PARP12: variants seen among roughly 807,000 people sequenced by gnomAD.
PARP12 encodes the protein poly(ADP-ribose) polymerase family member 12.
A neutral mutation model predicts 72.4 loss-of-function variants in PARP12; 59 were observed. The observed-to-expected ratio is 0.81, with a 90% CI of 0.66 to 1.01. The LOEUF (loss-of-function observed/expected upper bound fraction) is 1.01, where lower values mean the gene tolerates loss of function less well. PARP12 is among the 50% of genes least tolerant of loss of function. PARP12 has a pLI of 0.00. For missense variants in PARP12, 851 were observed against 914.0 expected, an observed-to-expected ratio of 0.93 and a Z score of 0.89; for synonymous variants, 403 against 371.4, an observed-to-expected ratio of 1.09 and a Z score of -0.98.
intron 1 of PARP12, among the ~76,000 whole-genome samples, chr7:140,059,352 A>C (rs1817343237): frequency 7.7e-6 from 1 of 130,394 alleles, no homozygotes; most frequent in South Asian, 2.2e-4. Flanking sequence ...GCATGCGTGC[A>C]GGCGTGTATA....
At chr7:140,028,738 C>T (rs776316874) in intron 8 of PARP12, 50 bp from the exon 9 acceptor site, 1 of 1,469,922 alleles carries the variant, frequency 6.8e-7, no homozygotes, top group South Asian at 1.2e-5. Flanking sequence ...TTACACAAAG[C>T]AAATATACCA....
At chr7:140,049,837 A>G (rs978726288) in intron 4 of PARP12, among the ~76,000 whole-genome samples, 1 of 152,220 alleles carries the variant, frequency 6.6e-6, no homozygotes, top group Admixed American at 6.5e-5. Flanking sequence ...CGGTAGAGAC[A>G]TAAGGTCCTT....
chr7:140,055,005 A>G (rs1265831058), intron 3 of PARP12, among the ~76,000 whole-genome samples: 1 of 152,060 alleles, frequency 6.6e-6, no homozygotes, highest in Non-Finnish European at 1.5e-5. Context: ...TCCTTTCTCA[A>G]CTCTCGCTGT....
intron 4 of PARP12, among the ~76,000 whole-genome samples, chr7:140,047,814 C>A (rs1816795258): frequency 6.6e-6 from 1 of 152,122 alleles, no homozygotes; most frequent in Non-Finnish European, 1.5e-5. Context: ...CAAGGTTTCA[C>A]CATGTTGGCC....
intron 8 of PARP12, 139 bp from the exon 9 acceptor site, chr7:140,028,827 A>C (rs1437779770): frequency 8.9e-6 from 6 of 675,126 alleles, no homozygotes; most frequent in Non-Finnish European, 1.5e-5. Context: ...AAGGCAAGGA[A>C]GAATGTTAGC....
rs372828421 is a variant in PARP12, at chr7:140,056,532, G to T, written c.760+324C>A. Among the ~76,000 whole-genome samples the T allele has an allele frequency of 4.0e-4, 61 of 152,300 alleles. 1 individual carries two copies. The highest frequency in any genetic ancestry group is 1.2e-3 in the African/African-American group (50 of 41,570). On this transcript the variant is annotated intron_variant, in intron 3 of 11. Coordinates refer to ENST00000263549, the MANE Select transcript of PARP12 (RefSeq NM_022750.4). The stretch of plus-strand genomic sequence containing the variant: ...CCCTGAAGAGCATGCTCTCGTGGGG[G>T]TGAAGATAGGGGTGACTGCACAGGG...
rs777459779 is a variant in PARP12, at chr7:140,062,775, C to T, written c.73G>A (p.Glu25Lys). The change falls in exon 1 of 12, where the codon GAG becomes AAG. Residue 25 changes from glutamate (E) to lysine (K), a missense_variant. Physicochemically the swap from Glu to Lys is moderately conservative, Grantham distance 56 (BLOSUM62 1). This residue lies in a region of PARP12 where 492 missense variants were observed against 489.3 expected (regional missense o/e 1.01). Transcript: ENST00000263549. ...CAAGGALELP[E>K]LRRRLRMGLS... is the part of the protein sequence containing the mutation. ...CCCATCCGCAAGCGGCGCCGCAGCT[C>T]GGGCAACTCCAGGGCGCCCCCGGCC... 3 of 1,401,200 alleles carry T rather than the reference C, an allele frequency of 2.1e-6. No individual in the cohort carries two copies. The highest frequency in any genetic ancestry group is 2.8e-6 in the Non-Finnish European group (3 of 1,073,700). 86.8% of individuals were successfully genotyped at this position (1,401,200 alleles called of 1,614,324 possible). A position where few individuals can be genotyped will look rare whatever the true frequency, so the allele number is the denominator to read the frequency against.
chr7:140,025,000 C>T lies in PARP12; in HGVS notation c.1781-115G>A, dbSNP rs912488638. 164 of 884,982 alleles carry T rather than the reference C, an allele frequency of 1.9e-4. 1 individual carries two copies. Among genetic ancestry groups the T allele is most frequent in the Non-Finnish European group, 2.5e-4 (142 of 574,328 alleles). 54.8% of individuals were successfully genotyped at this position (884,982 alleles called of 1,614,324 possible). A position where few individuals can be genotyped will look rare whatever the true frequency, so the allele number is the denominator to read the frequency against. The stretch of plus-strand genomic sequence containing the variant: ...CGCCAGGGCCTCTACTCTTCCACCC[C>T]GCATCTCCCTCCCTCCCTCTGTGCC... On this transcript the variant is annotated intron_variant, in intron 11 of 11. Coordinates refer to ENST00000263549, the MANE Select transcript of PARP12 (RefSeq NM_022750.4).
In PARP12 at chr7:140,041,539, C is replaced by G. The variant is rs368455941; in HGVS notation, c.1182+105G>C. ...AGCCACACTGGCACCTGGGGATCCTCAGCTCTCTCAAGGATGCCCCTGGCA... is the reference window on the plus strand; with the variant it reads ...AGCCACACTGGCACCTGGGGATCCTGAGCTCTCTCAAGGATGCCCCTGGCA... On this transcript the variant is annotated intron_variant, in intron 6 of 11. Coordinates refer to ENST00000263549, the MANE Select transcript of PARP12 (RefSeq NM_022750.4). The G allele has an allele frequency of 1.7e-4, 193 of 1,168,848 alleles. No individual in the cohort carries two copies. The African/African-American group carries it at 2.6e-3, about 16-fold the overall frequency. The allele number at this position is 1,168,848 out of a possible 1,614,324, so 72.4% of individuals were successfully genotyped here.
At chr7:140,025,947 C>G (rs1354605954) in intron 11 of PARP12, among the ~76,000 whole-genome samples, 1 of 152,236 alleles carries the variant, frequency 6.6e-6, no homozygotes, top group Admixed American at 6.5e-5. Context: ...CTCCCAGGGC[C>G]TCTGCTCCAC....
intron 1 of PARP12, among the ~76,000 whole-genome samples, chr7:140,059,654 C>T (rs1376682463): frequency 6.6e-6 from 1 of 152,192 alleles, no homozygotes; most frequent in East Asian, 1.9e-4. Context: ...TTTACAGAAT[C>T]CCCCAGCTCA....
chr7:140,037,979 G>C, intron 6 of PARP12, 123 bp from the exon 7 acceptor site: 2 of 1,462,760 alleles, frequency 1.4e-6, no homozygotes, highest in Non-Finnish European at 1.8e-6. Flanking sequence ...GGGGAAGATG[G>C]AGGCCAGGGA....
intron 10 of PARP12, 146 bp downstream of exon 10, chr7:140,027,130 C>T (rs1815767745): frequency 3.5e-6 from 4 of 1,151,264 alleles, no homozygotes; most frequent in African/African-American, 1.6e-5. Context: ...GGGGAGCGGA[C>T]GAAGGAGAGC....
At chr7:140,045,113 T>C (rs1816663324) in intron 5 of PARP12, among the ~76,000 whole-genome samples, 1 of 151,910 alleles carries the variant, frequency 6.6e-6, no homozygotes, top group African/African-American at 2.4e-5. Context: ...CACTGCAGCA[T>C]CAAACTCCTG....
chr7:140,025,307 T>G (rs1383141413), intron 11 of PARP12: 1 of 289,088 alleles, frequency 3.5e-6, no homozygotes, highest in Non-Finnish European at 6.9e-6. Context: ...GGCAGCCCAA[T>G]GTATAGAATT....
chr7:140,050,644 G>A (rs184604181), intron 4 of PARP12, among the ~76,000 whole-genome samples: 18 of 152,248 alleles, frequency 1.2e-4, no homozygotes, highest in Non-Finnish European at 1.8e-4. Context: ...CAGAAACAGC[G>A]ATACCTAAGG....
chr7:140,030,413 C>A (rs575675941), intron 8 of PARP12, among the ~76,000 whole-genome samples: 2 of 152,308 alleles, frequency 1.3e-5, no homozygotes, highest in East Asian at 3.9e-4. Context: ...GCCTGACCAA[C>A]ATAATGAAAC....
intron 7 of PARP12, among the ~76,000 whole-genome samples, chr7:140,036,031 GGAGGAGA>G (rs1816178622): frequency 3.1e-5 from 3 of 96,662 alleles, no homozygotes; most frequent in Non-Finnish European, 5.9e-5. Context: ...AGGAGGAGAA[GGAGGAGA>G]AGGAGGAGAA....
intron 5 of PARP12, among the ~76,000 whole-genome samples, chr7:140,044,457 C>A (rs1164718474): frequency 6.6e-6 from 1 of 152,146 alleles, no homozygotes; most frequent in Non-Finnish European, 1.5e-5. Context: ...CAAGCCAAGG[C>A]ATGCCAAGGA....
Sources: allele counts gnomAD v4.1 joint callset (sites outside exome capture counted in the v4.1 genomes callset), GRCh38; gene constraint gnomAD v4.1.1; regional missense constraint gnomAD v4.1.1; transcripts MANE v1.5; gene names NCBI Gene and HGNC (gene_info 2026-07-23, HGNC 2026-07-21).